The following MINDY4 variants were observed in gnomAD, a reference collection of about 807,000 sequenced individuals.
MINDY4 encodes the protein MINDY lysine 48 deubiquitinase 4, also known as probable ubiquitin carboxyl-terminal hydrolase MINDY-4.
Under a neutral mutation model 87.0 loss-of-function variants are expected in MINDY4, and 68 were observed. The observed-to-expected ratio is 0.78, with a 90% CI of 0.64 to 0.96. The LOEUF (loss-of-function observed/expected upper bound fraction) is 0.96, where lower values mean the gene tolerates loss of function less well. Ranked by LOEUF, MINDY4 falls within the 40% of genes least tolerant of loss-of-function variation. MINDY4 has a pLI of 0.00. For synonymous variants in MINDY4, 379 were observed against 363.2 expected (o/e 1.04, Z -0.50); for missense variants, 919 against 928.2 (o/e 0.99, Z 0.13).
chr7:30,785,648 A>T, intron 3 of MINDY4, 101 bp from the exon 4 acceptor site: 1 of 1,377,640 alleles, frequency 7.3e-7, no homozygotes, highest in Non-Finnish European at 1.0e-6. Context: ...TAGATTTATT[A>T]ATGGGCTTGC....
chr7:30,791,653 C>T (rs1026637517), intron 5 of MINDY4, 79 bp downstream of exon 5: 51 of 1,411,322 alleles, frequency 3.6e-5, no homozygotes, highest in Admixed American at 2.9e-4. Flanking sequence ...CTAATGGCTC[C>T]GAAGGGAACT....
At chr7:30,816,506 T>C (rs1480298665) in intron 5 of MINDY4, among the ~76,000 whole-genome samples, 6 of 152,144 alleles carry the variant, frequency 3.9e-5, no homozygotes, top group Non-Finnish European at 7.3e-5. Flanking sequence ...GACAGAACAA[T>C]GGCTTAGGAG....
At chr7:30,793,825 G>C (rs1039059266) in intron 5 of MINDY4, among the ~76,000 whole-genome samples, 1 of 152,164 alleles carries the variant, frequency 6.6e-6, no homozygotes, top group East Asian at 1.9e-4. Context: ...CACTTCCTCC[G>C]TTAGGGTGGA....
intron 5 of MINDY4, among the ~76,000 whole-genome samples, chr7:30,815,732 G>T (rs1027691844): frequency 9.8e-4 from 149 of 152,170 alleles, no homozygotes; most frequent in African/African-American, 3.5e-3. Flanking sequence ...CCCTTTCACT[G>T]CCTGTTGAGC....
At chr7:30,882,777 G>T in intron 16 of MINDY4, 144 bp from the exon 17 acceptor site, 2 of 701,730 alleles carry the variant, frequency 2.9e-6, no homozygotes, top group East Asian at 5.1e-5. Context: ...GAGAATGGAT[G>T]TCAGGGATGA....
intron 6 of MINDY4, 37 bp downstream of exon 6, chr7:30,828,774 GGGCCCAA>G (rs1788599163): frequency 1.9e-6 from 3 of 1,605,344 alleles, no homozygotes; most frequent in Non-Finnish European, 2.5e-6. Context: ...GTGCCCATCA[GGGCCCAA>G]GGGGTCCTCG....
intron 10 of MINDY4, among the ~76,000 whole-genome samples, chr7:30,851,098 A>G (rs1363152586): frequency 6.6e-6 from 1 of 152,226 alleles, no homozygotes; most frequent in Non-Finnish European, 1.5e-5. Context: ...ATTCTACTGC[A>G]TATAACCCAC....
intron 7 of MINDY4, among the ~76,000 whole-genome samples, chr7:30,838,358 G>A (rs1000675022): frequency 6.6e-6 from 1 of 152,182 alleles, no homozygotes; most frequent in African/African-American, 2.4e-5. Flanking sequence ...CTGGGGGGTT[G>A]GGATGGTTCA....
intron 5 of MINDY4, among the ~76,000 whole-genome samples, chr7:30,819,586 C>A (rs955195852): frequency 6.6e-6 from 1 of 152,036 alleles, no homozygotes; most frequent in African/African-American, 2.4e-5. Flanking sequence ...TTAAAATTTT[C>A]TATTATGCTC....
intron 5 of MINDY4, among the ~76,000 whole-genome samples, chr7:30,827,616 C>T (rs1381216595): frequency 6.6e-6 from 1 of 152,148 alleles, no homozygotes; most frequent in African/African-American, 2.4e-5. Flanking sequence ...AATGACTTGA[C>T]TGAGTTGAGG....
intron 15 of MINDY4, among the ~76,000 whole-genome samples, chr7:30,877,411 A>C (rs1381354622): frequency 1.3e-5 from 2 of 152,174 alleles, no homozygotes; most frequent in African/African-American, 4.8e-5. Flanking sequence ...CAGGCCCTAC[A>C]ACCATCTCCC....
intron 6 of MINDY4, among the ~76,000 whole-genome samples, chr7:30,830,877 G>T (rs1788681611): frequency 6.6e-6 from 1 of 152,300 alleles, no homozygotes; most frequent in Non-Finnish European, 1.5e-5. Flanking sequence ...GAGAAAGATT[G>T]GTTGGAGGTA....
intron 13 of MINDY4, among the ~76,000 whole-genome samples, chr7:30,861,797 C>G (rs1479265903): frequency 6.6e-6 from 1 of 152,216 alleles, no homozygotes; most frequent in Non-Finnish European, 1.5e-5. Context: ...GCCTGGGGCC[C>G]TGTGGTGGAG....
chr7:30,785,805 C>G lies in MINDY4; in HGVS notation c.476C>G (p.Pro159Arg). The G allele has an allele frequency of 6.2e-7, 1 of 1,614,168 alleles. No homozygotes were observed. The highest frequency in any genetic ancestry group is 8.5e-7 in the Non-Finnish European group (1 of 1,180,030). Residue 159 changes from proline (P) to arginine (R), a missense_variant, in exon 4 of 18, where the codon CCG (proline) becomes CGG (arginine). Pro to Arg is a moderately radical substitution (Grantham distance 103). Transcript: ENST00000265299. Reference sequence around the variant, plus strand: ...AATTTTGTATCATCTAAAAGGCCCCCGCACAAAAGTAAGCCCATGCAGACG... The same window carrying G: ...AATTTTGTATCATCTAAAAGGCCCCGGCACAAAAGTAAGCCCATGCAGACG... ...LGNFVSSKRP[P>R]HKSKPMQTVP...
intron 1 of MINDY4, among the ~76,000 whole-genome samples, chr7:30,772,099 T>C (rs932593526): frequency 6.6e-6 from 1 of 152,260 alleles, no homozygotes; most frequent in African/African-American, 2.4e-5. Flanking sequence ...GGAGAGTTTT[T>C]GCAGTGTTCA....
At chr7:30,822,107 G>A (rs1788350097) in intron 5 of MINDY4, among the ~76,000 whole-genome samples, 1 of 151,912 alleles carries the variant, frequency 6.6e-6, no homozygotes, top group Admixed American at 6.6e-5. Context: ...ATTTCAGCAT[G>A]CGTCTCCTAA....
rs776392723 is a variant in MINDY4, at chr7:30,850,527, G to A, written c.1519G>A (p.Gly507Arg). The A allele has an allele frequency of 2.2e-5, 35 of 1,608,542 alleles. No individual in the cohort carries two copies. Among genetic ancestry groups the A allele is most frequent in the Non-Finnish European group, 2.8e-5 (33 of 1,177,566 alleles). The change falls in exon 10 of 18, where the codon GGG becomes AGG. Residue 507 changes from glycine to arginine, a missense_variant. By Grantham distance (125) the Gly-to-Arg change is moderately radical. Transcript: ENST00000265299. The part of the protein sequence containing the change: ...LALADIVWRA[G>R]GRERAVVALA... ...CCTCGCAGACATTGTGTGGCGGGCAGGGGGCCGAGAGAGAGCCGTTGTTGC... is the reference window on the plus strand; with the variant it reads ...CCTCGCAGACATTGTGTGGCGGGCAAGGGGCCGAGAGAGAGCCGTTGTTGC...
chr7:30,886,881 A>AG (rs1790646829), intron 17 of MINDY4, among the ~76,000 whole-genome samples: 1 of 151,956 alleles, frequency 6.6e-6, no homozygotes, highest in African/African-American at 2.4e-5. Context: ...CAGCAAAAAA[A>AG]CAGGCTAATT....
At chr7:30,832,425 C>A (rs1168508337) in intron 6 of MINDY4, among the ~76,000 whole-genome samples, 1 of 152,236 alleles carries the variant, frequency 6.6e-6, no homozygotes, top group East Asian at 1.9e-4. Flanking sequence ...GAATTAATCA[C>A]ACATCTCTTT....
Sources: allele counts gnomAD v4.1 joint callset (sites outside exome capture counted in the v4.1 genomes callset), GRCh38; gene constraint gnomAD v4.1.1; transcripts MANE v1.5; gene names NCBI Gene and HGNC (gene_info 2026-07-23, HGNC 2026-07-21).